The following SDK1 variants were observed in gnomAD, a reference collection of about 807,000 sequenced individuals.
The protein encoded by SDK1 is sidekick cell adhesion molecule 1.
SDK1 carries 157 observed loss-of-function variants against 245.5 expected under a neutral mutation model. The observed-to-expected ratio is 0.64, with a 90% CI of 0.56 to 0.73. SDK1 has a LOEUF of 0.73. SDK1 is among the 30% of genes least tolerant of loss of function. The pLI is 0.00. For synonymous variants in SDK1, 1,647 were observed against 1,278.5 expected (o/e 1.29, Z -6.15); for missense variants, 3,583 against 3,002.3 (o/e 1.19, Z -4.52).
At chr7:4,073,885 C>T (rs1463903653) in intron 20 of SDK1, among the ~76,000 whole-genome samples, 1 of 152,194 alleles carries the variant, frequency 6.6e-6, no homozygotes, top group Non-Finnish European at 1.5e-5. Context: ...GGCAGGCACA[C>T]TCAGCACGGC....
chr7:4,053,725 T>C (rs572284753), intron 19 of SDK1, among the ~76,000 whole-genome samples: 1 of 152,244 alleles, frequency 6.6e-6, no homozygotes, highest in East Asian at 1.9e-4. Flanking sequence ...AGGGGAGGAA[T>C]AGAACATGGA....
chr7:3,493,270 ATGTC>A (rs984022609), intron 1 of SDK1, among the ~76,000 whole-genome samples: 1 of 152,146 alleles, frequency 6.6e-6, no homozygotes, highest in Non-Finnish European at 1.5e-5. Context: ...ATTTAGATAT[ATGTC>A]TGTCTGTCCA....
chr7:3,945,243 C>G (rs10240787), intron 5 of SDK1, among the ~76,000 whole-genome samples: 5 of 152,166 alleles, frequency 3.3e-5, no homozygotes, highest in African/African-American at 1.2e-4. Flanking sequence ...AGAGAAAAGA[C>G]ATCCACACTC....
At chr7:3,601,478 A>G (rs1404292076) in intron 1 of SDK1, among the ~76,000 whole-genome samples, 5 of 151,994 alleles carry the variant, frequency 3.3e-5, no homozygotes, top group Non-Finnish European at 2.9e-5. Context: ...ATGGGTTTCT[A>G]TCTTCTAAGC....
At chr7:4,247,511 C>T (rs1286562525) in intron 44 of SDK1, among the ~76,000 whole-genome samples, 2 of 152,254 alleles carry the variant, frequency 1.3e-5, no homozygotes, top group Non-Finnish European at 2.9e-5. Context: ...TGTACGAAAG[C>T]AGCAGGTTGT....
intron 1 of SDK1, among the ~76,000 whole-genome samples, chr7:3,435,876 A>G (rs1342867086): frequency 6.6e-6 from 1 of 152,172 alleles, no homozygotes; most frequent in East Asian, 1.9e-4. Flanking sequence ...TAACCTCTCC[A>G]GTGATCATTT....
intron 27 of SDK1, among the ~76,000 whole-genome samples, 192 bp from the exon 28 acceptor site, chr7:4,132,133 G>T (rs780261609): frequency 6.6e-6 from 1 of 152,238 alleles, no homozygotes; most frequent in South Asian, 2.1e-4. Flanking sequence ...GTTTGCTCAA[G>T]ATCCTTAGGG....
At position 3,466,979 on chromosome 7, in the gene SDK1, TACACACACACAC is replaced by T. The variant is rs11269597; in HGVS notation, c.299-152061_299-152050del. Among the ~76,000 whole-genome samples, 216 of 127,592 alleles carry T rather than the reference TACACACACACAC, an allele frequency of 1.7e-3. 1 individual carries two copies. The highest frequency in any genetic ancestry group is 4.6e-3 in the African/African-American group (150 of 32,702). 83.7% of individuals were successfully genotyped at this position (127,592 alleles called of 152,430 possible). ...TCGAAATCTCTCTCCTCTCTCTCTC[TACACACACACAC>T]ACACACACACACACACACACACACA... On this transcript the variant is annotated intron_variant, in intron 1 of 44. Transcript: ENST00000404826.
At chr7:3,594,383 T>A (rs1780985066) in intron 1 of SDK1, among the ~76,000 whole-genome samples, 1 of 152,242 alleles carries the variant, frequency 6.6e-6, no homozygotes, top group Non-Finnish European at 1.5e-5. Flanking sequence ...TTCTGCTTTT[T>A]GGCTATCATG....
At chr7:4,051,609 G>A in intron 18 of SDK1, 29 bp from the exon 19 acceptor site, 2 of 1,588,538 alleles carry the variant, frequency 1.3e-6, no homozygotes, top group Non-Finnish European at 1.7e-6. Context: ...TTGAAAACAG[G>A]CTGTCTTTTT....
intron 14 of SDK1, among the ~76,000 whole-genome samples, chr7:4,003,911 T>C (rs1785264920): frequency 6.6e-6 from 1 of 152,180 alleles, no homozygotes; most frequent in African/African-American, 2.4e-5. Context: ...CAAGACAAGC[T>C]CATCTTCTCC....
intron 1 of SDK1, among the ~76,000 whole-genome samples, chr7:3,613,888 C>T (rs1781681672): frequency 6.6e-6 from 1 of 152,084 alleles, no homozygotes; most frequent in African/African-American, 2.4e-5. Flanking sequence ...AACCAAATAC[C>T]ACATGTTCTC....
At chr7:3,496,658 A>G (rs1782036043) in intron 1 of SDK1, among the ~76,000 whole-genome samples, 2 of 152,212 alleles carry the variant, frequency 1.3e-5, no homozygotes, top group South Asian at 4.1e-4. Flanking sequence ...CAGAGTTCAT[A>G]GTGATTTTTA....
intron 5 of SDK1, among the ~76,000 whole-genome samples, chr7:3,895,591 A>G (rs1237385845): frequency 6.6e-6 from 1 of 152,162 alleles, no homozygotes; most frequent in Non-Finnish European, 1.5e-5. Context: ...TCACGGAAGG[A>G]CCCATGCCCC....
intron 4 of SDK1, among the ~76,000 whole-genome samples, chr7:3,713,712 A>G: frequency 6.6e-6 from 1 of 152,228 alleles, no homozygotes; most frequent in East Asian, 1.9e-4. Context: ...CCTGGACTAG[A>G]GATTTCATGT....
chr7:4,254,293 C>G (rs187349148), intron 44 of SDK1, among the ~76,000 whole-genome samples: 1 of 152,078 alleles, frequency 6.6e-6, no homozygotes, highest in African/African-American at 2.4e-5. Flanking sequence ...TTATATTTAT[C>G]AAAGGCTCTG....
intron 22 of SDK1, among the ~76,000 whole-genome samples, chr7:4,106,852 C>A (rs1297355106): frequency 6.6e-6 from 1 of 151,974 alleles, no homozygotes; most frequent in African/African-American, 2.4e-5. Flanking sequence ...ACCGCTGACC[C>A]CGCAGCAGCC....
chr7:3,475,328 C>T (rs1292819260), intron 1 of SDK1, among the ~76,000 whole-genome samples: 1 of 152,194 alleles, frequency 6.6e-6, no homozygotes, highest in African/African-American at 2.4e-5. Context: ...CCAGCCCTGC[C>T]CCTTAACTGC....
intron 2 of SDK1, among the ~76,000 whole-genome samples, chr7:3,632,592 A>G (rs1782330720): frequency 6.6e-6 from 1 of 152,192 alleles, no homozygotes; most frequent in Non-Finnish European, 1.5e-5. Context: ...GCCCTTCTCA[A>G]GTTAATATGA....
Sources: allele counts gnomAD v4.1 joint callset (sites outside exome capture counted in the v4.1 genomes callset), GRCh38; gene constraint gnomAD v4.1.1; transcripts MANE v1.5; gene names NCBI Gene and HGNC (gene_info 2026-07-23, HGNC 2026-07-21).